The following SMUG1 variants were observed in gnomAD, a reference collection of about 807,000 sequenced individuals.
The protein encoded by SMUG1 is single-strand selective monofunctional uracil DNA glycosylase.
A neutral mutation model predicts 23.9 loss-of-function variants in SMUG1; 13 were observed. That is an observed-to-expected ratio of 0.54 (90% confidence interval 0.35 to 0.86). The LOEUF is 0.86. Ranked by LOEUF, SMUG1 falls within the 40% of genes least tolerant of loss-of-function variation. The pLI is 0.01. For synonymous variants in SMUG1, 133 were observed against 139.8 expected, an observed-to-expected ratio of 0.95 and a Z score of 0.34; for missense variants, 313 against 339.5, an observed-to-expected ratio of 0.92 and a Z score of 0.61.
downstream of SMUG1, among the ~76,000 whole-genome samples, chr12:54,161,026 C>T (rs1592330895): frequency 6.6e-6 from 1 of 152,282 alleles, no homozygotes; most frequent in Middle Eastern, 3.4e-3. The surrounding 1 kb of genome is among the most constrained non-coding windows in gnomAD (Gnocchi z 4.2). Context: ...ATTAACGTGT[C>T]CTTAGACACA....
intron 2 of SMUG1, among the ~76,000 whole-genome samples, chr12:54,186,588 C>T (rs979617052): frequency 6.6e-6 from 1 of 152,052 alleles, no homozygotes; most frequent in Non-Finnish European, 1.5e-5. Context: ...GATCTGCCTG[C>T]CTCAGCCTCC....
chr12:54,175,478 A>G (rs146110815), downstream of SMUG1, among the ~76,000 whole-genome samples: 29 of 152,280 alleles, frequency 1.9e-4, no homozygotes, highest in East Asian at 7.7e-4. Flanking sequence ...ATTCCTGGAC[A>G]TATCTGACAC....
chr12:54,181,888 A>C lies in SMUG1; in HGVS notation c.*208T>G. The C allele has an allele frequency of 7.0e-7, 1 of 1,425,848 alleles. No individual in the cohort carries two copies. The highest frequency in any genetic ancestry group is 9.1e-7 in the Non-Finnish European group (1 of 1,094,528). 88.3% of individuals were successfully genotyped at this position (1,425,848 alleles called of 1,614,324 possible). A position where few individuals can be genotyped will look rare whatever the true frequency, so the allele number is the denominator to read the frequency against. ...AAAGGGGCAATGTTAAAAGGTAAAGAAAGCAGGAATCAGGAGGGCAAACAG... is the reference window on the plus strand; with the variant it reads ...AAAGGGGCAATGTTAAAAGGTAAAGCAAGCAGGAATCAGGAGGGCAAACAG... On this transcript the variant is annotated 3_prime_UTR_variant, in exon 4 of 4. Coordinates refer to ENST00000682136, the MANE Select transcript of SMUG1 (RefSeq NM_001243787.2).
At chr12:54,176,506 G>GTCCCC (rs1565805435), downstream of SMUG1, among the ~76,000 whole-genome samples, 14 of 46,974 alleles carry the variant, frequency 3.0e-4, 1 homozygote, top group East Asian at 2.2e-3. Flanking sequence ...AGAAGATCCT[G>GTCCCC]TCCCCCCCCA....
chr12:54,184,025 G>GC, intron 2 of SMUG1, 66 bp from the exon 3 acceptor site: 1 of 1,337,292 alleles, frequency 7.5e-7, no homozygotes, highest in Non-Finnish European at 9.9e-7. Context: ...ATCCATGCTT[G>GC]CCAGGGCCCC....
At chr12:54,166,790 G>C (rs1185118047) in intron 3 of SMUG1, among the ~76,000 whole-genome samples, 1 of 152,160 alleles carries the variant, frequency 6.6e-6, no homozygotes, top group Non-Finnish European at 1.5e-5. Flanking sequence ...GACACACAGG[G>C]AGGAAAGAGA....
chr12:54,171,594 G>A lies in SMUG1; in HGVS notation c.*52+431C>T, dbSNP rs937134299. On this transcript the variant is annotated intron_variant and NMD_transcript_variant, in intron 3 of 4. Coordinates refer to the SMUG1 transcript ENST00000509864. ...AATCCCAGCTAGTCCGGAGGCTGAGGCAGAATTGCTTGAACCTGGGAGGCG... is the reference window on the plus strand; with the variant it reads ...AATCCCAGCTAGTCCGGAGGCTGAGACAGAATTGCTTGAACCTGGGAGGCG... Among the ~76,000 whole-genome samples, 20 of 148,582 alleles carry A rather than the reference G, an allele frequency of 1.3e-4. No homozygotes were observed. The South Asian group carries it at 3.9e-3, about 29-fold the overall frequency.
At chr12:54,172,557 G>A (rs905807571) in intron 2 of SMUG1, 1 of 160,868 alleles carries the variant, frequency 6.2e-6, no homozygotes, top group Non-Finnish European at 1.4e-5. Flanking sequence ...AGGAGCTCAG[G>A]TGGGGGGTCT....
chr12:54,166,759 C>T (rs566404904), intron 3 of SMUG1, among the ~76,000 whole-genome samples: 1 of 152,248 alleles, frequency 6.6e-6, no homozygotes, highest in Non-Finnish European at 1.5e-5. Context: ...AAGAGAGTGA[C>T]CTCAGGCACA....
In SMUG1 at chr12:54,182,524, G is replaced by A. The variant is rs1367659417; in HGVS notation, c.385C>T (p.Leu129=). The change falls in exon 4 of 4, where the codon CTG becomes TTG. Residue 129 remains leucine (L), a synonymous_variant. Transcript: ENST00000682136. The part of the protein sequence containing the change: ...QEHPKRPVLG[L]ECPQSEVSGA... ...CTCACTTCTGACTGTGGGCACTCCAGTCCCAGCACTGGTCGTTTAGGATGC... is the reference window on the plus strand; with the variant it reads ...CTCACTTCTGACTGTGGGCACTCCAATCCCAGCACTGGTCGTTTAGGATGC... 3.7e-6 allele frequency: 6 copies of A among 1,614,046 alleles called. No individual in the cohort carries two copies. The highest frequency in any genetic ancestry group is 4.2e-6 in the Non-Finnish European group (5 of 1,180,040).
At chr12:54,160,744 A>G (rs1940226851), downstream of SMUG1, among the ~76,000 whole-genome samples, 1 of 152,208 alleles carries the variant, frequency 6.6e-6, no homozygotes, top group Non-Finnish European at 1.5e-5. Context: ...CCAGAAAAGT[A>G]GTCTCACTGT....
chr12:54,160,830 A>T (rs553631590), downstream of SMUG1, among the ~76,000 whole-genome samples: 124 of 152,350 alleles, frequency 8.1e-4, no homozygotes, highest in Non-Finnish European at 1.5e-3. Flanking sequence ...CTTGTCTCTC[A>T]GCCCTGCTGG....
downstream of SMUG1, among the ~76,000 whole-genome samples, chr12:54,176,874 A>ATCTATCCC (rs1940774073): frequency 6.6e-6 from 1 of 151,110 alleles, no homozygotes; most frequent in African/African-American, 2.4e-5. Context: ...CACCAACACA[A>ATCTATCCC]TCTATCCCTC....
In SMUG1 at chr12:54,183,774, T is replaced by C; in HGVS notation, c.167A>G (p.Asn56Ser). The change falls in exon 3 of 4, where the codon AAT becomes AGT. Residue 56 changes from asparagine (N) to serine (S), a missense_variant. Transcript: ENST00000682136. ...TGGCTCCCATGCATACTCCACGGGATTGTAGATGATGCCCACAGGCTCCGA... is the reference window on the plus strand; with the variant it reads ...TGGCTCCCATGCATACTCCACGGGACTGTAGATGATGCCCACAGGCTCCGA... Reference protein sequence around the residue: ...QFSEPVGIIYNPVEYAWEPHR... With the variant: ...QFSEPVGIIYSPVEYAWEPHR... 1 of 1,614,086 alleles carries C rather than the reference T, an allele frequency of 6.2e-7. No individual in the cohort carries two copies. The highest frequency in any genetic ancestry group is 8.5e-7 in the Non-Finnish European group (1 of 1,180,010).
intron 2 of SMUG1, among the ~76,000 whole-genome samples, chr12:54,184,554 G>A (rs1269847941): frequency 1.3e-5 from 2 of 152,198 alleles, no homozygotes; most frequent in Non-Finnish European, 2.9e-5. Flanking sequence ...TGAGGACACT[G>A]AGGCTTAGCA....
At chr12:54,162,058 G>A (rs1440508862), downstream of SMUG1, 2 of 152,698 alleles carry the variant, frequency 1.3e-5, no homozygotes, top group Non-Finnish European at 2.9e-5. Context: ...ACCAGCAAGT[G>A]ACAGCACCAC....
At chr12:54,176,751 G>T (rs2045616982), downstream of SMUG1, among the ~76,000 whole-genome samples, 1 of 150,934 alleles carries the variant, frequency 6.6e-6, no homozygotes, top group East Asian at 1.9e-4. Flanking sequence ...AGCTTGCAGT[G>T]AGCCGAGATC....
rs1235162746 is a variant in SMUG1, at chr12:54,180,546, C to A, written c.*1550G>T. 3 of 152,158 alleles carry A rather than the reference C, an allele frequency of 2.0e-5. No homozygotes were observed. Among genetic ancestry groups the A allele is most frequent in the African/African-American group, 7.2e-5 (3 of 41,422 alleles). The allele number at this position is 152,158 out of a possible 1,614,324, so 9.4% of individuals were successfully genotyped here. ...CTCCCAACTTGGTTCACTTTCCCAGCCCTTACCAAAGGGGCACCCAGTCAA... is the reference window on the plus strand; with the variant it reads ...CTCCCAACTTGGTTCACTTTCCCAGACCTTACCAAAGGGGCACCCAGTCAA... On this transcript the variant is annotated 3_prime_UTR_variant, in exon 4 of 4. Coordinates refer to ENST00000682136, the MANE Select transcript of SMUG1 (RefSeq NM_001243787.2).
intron 2 of SMUG1, among the ~76,000 whole-genome samples, chr12:54,185,072 G>C (rs529846284): frequency 6.6e-6 from 1 of 152,256 alleles, no homozygotes; most frequent in African/African-American, 2.4e-5. Flanking sequence ...ACTTTAGGAG[G>C]CTGAGGTGGG....
Sources: allele counts gnomAD v4.1 joint callset (sites outside exome capture counted in the v4.1 genomes callset), GRCh38; gene constraint gnomAD v4.1.1; non-coding constraint Gnocchi (gnomAD v3.1); transcripts MANE v1.5; gene names NCBI Gene and HGNC (gene_info 2026-07-23, HGNC 2026-07-21).